Variants in MAEA observed in about 807,000 individuals in gnomAD.
The protein encoded by MAEA is E3 ubiquitin-protein transferase MAEA.
A neutral mutation model predicts 46.2 loss-of-function variants in MAEA; 22 were observed. That is an observed-to-expected ratio of 0.48 (90% confidence interval 0.34 to 0.68). The LOEUF is 0.68. Among genes scored for constraint, MAEA ranks in the 30% least tolerant of loss-of-function variants. The pLI is 0.01. For synonymous variants in MAEA, 246 were observed against 222.6 expected, an observed-to-expected ratio of 1.11 and a Z score of -0.94; for missense variants, 393 against 558.1, an observed-to-expected ratio of 0.70 and a Z score of 2.98.
At chr4:1,324,086 T>C (rs1239232076) in intron 4 of MAEA, among the ~76,000 whole-genome samples, 2 of 151,680 alleles carry the variant, frequency 1.3e-5, no homozygotes, top group African/African-American at 4.9e-5. Flanking sequence ...GAGTTGAGAT[T>C]GGATGCCTGG....
intron 1 of MAEA, among the ~76,000 whole-genome samples, chr4:1,301,179 C>T (rs1478832348): frequency 6.6e-6 from 1 of 152,228 alleles, no homozygotes; most frequent in Non-Finnish European, 1.5e-5. Flanking sequence ...AAATGCGTTG[C>T]GTTTTGTCAG....
intron 1 of MAEA, among the ~76,000 whole-genome samples, chr4:1,297,074 G>T (rs1432018298): frequency 1.3e-5 from 2 of 152,314 alleles, no homozygotes; most frequent in Non-Finnish European, 2.9e-5. Flanking sequence ...CTGGAAGGCA[G>T]TTCAAAGATA....
chr4:1,339,018 A>C (rs1350003862), intron 8 of MAEA, 56 bp from the exon 9 acceptor site: 22 of 1,358,812 alleles, frequency 1.6e-5, no homozygotes, highest in Middle Eastern at 3.6e-4. Context: ...TTCCATGGAA[A>C]TCCGTGTGTA....
rs191295697 is a variant in MAEA at position 1,294,918 on chromosome 4, G to A, written c.69+4936G>A. Among the ~76,000 whole-genome samples the A allele has an allele frequency of 8.6e-3, 1,314 of 152,188 alleles. 8 individuals are homozygous for A. The highest frequency in any genetic ancestry group is 0.015 in the Non-Finnish European group (1,022 of 67,982). ...GTTTTGGGGTGAGGCTCTGTGGACCGTGTTGAAGTCCTGGCCGGCTCTCAC... is the reference window on the plus strand; with the variant it reads ...GTTTTGGGGTGAGGCTCTGTGGACCATGTTGAAGTCCTGGCCGGCTCTCAC... On this transcript the variant is annotated intron_variant, in intron 1 of 8. Coordinates refer to ENST00000303400, the MANE Select transcript of MAEA (RefSeq NM_001017405.3).
intron 5 of MAEA, chr4:1,331,258 A>C (rs1711761941): frequency 6.8e-6 from 1 of 147,816 alleles, no homozygotes. Context: ...AGCCGTGTGG[A>C]CTCACCCCCG....
intron 1 of MAEA, among the ~76,000 whole-genome samples, chr4:1,297,504 G>C (rs1210524596): frequency 2.8e-5 from 4 of 143,008 alleles, no homozygotes; most frequent in Non-Finnish European, 5.9e-5. Flanking sequence ...GCACGCGCTT[G>C]AGTGTGGGCT....
intron 3 of MAEA, among the ~76,000 whole-genome samples, chr4:1,321,063 G>A (rs1577199205): frequency 6.6e-6 from 1 of 152,152 alleles, no homozygotes; most frequent in African/African-American, 2.4e-5. Flanking sequence ...TTGCGCCACT[G>A]CACTCCAGCC....
At chr4:1,313,812 G>T (rs1736806709) in intron 2 of MAEA, among the ~76,000 whole-genome samples, 1 of 152,164 alleles carries the variant, frequency 6.6e-6, no homozygotes, top group Non-Finnish European at 1.5e-5. Flanking sequence ...GAAGGGCGAG[G>T]CAGGTAGATT....
intron 1 of MAEA, chr4:1,309,462 G>T: frequency 7.6e-7 from 1 of 1,316,378 alleles, no homozygotes; most frequent in Non-Finnish European, 9.7e-7. Flanking sequence ...CCTCTGGGGG[G>T]CGTGGATGTG....
In MAEA at chr4:1,297,815, C is replaced by G. The variant is rs1341845460; in HGVS notation, c.69+7833C>G. The G allele has an allele frequency of 2.2e-4, 74 of 330,152 alleles. No homozygotes were observed. The Admixed American group carries it at 3.0e-3, about 13-fold the overall frequency. The allele number at this position is 330,152 out of a possible 1,614,324, so 20.5% of individuals were successfully genotyped here. A position where few individuals can be genotyped will look rare whatever the true frequency, so the allele number is the denominator to read the frequency against. On this transcript the variant is annotated intron_variant, in intron 1 of 8. Coordinates refer to ENST00000303400, the MANE Select transcript of MAEA (RefSeq NM_001017405.3). The stretch of plus-strand genomic sequence containing the variant: ...TCGCATCTCACTTTTGTCCACTTGC[C>G]GCATTCTAGAGTATGTCTTGGTCTC...
intron 2 of MAEA, among the ~76,000 whole-genome samples, chr4:1,315,122 C>A (rs1013260338): frequency 6.6e-6 from 1 of 152,212 alleles, no homozygotes; most frequent in Non-Finnish European, 1.5e-5. Context: ...AAATTGTATG[C>A]ATCTGGCAAC....
At position 1,322,943 on chromosome 4, in the gene MAEA, C is replaced by CCTTTTTTTTTTTTT. The variant is rs1560368750; in HGVS notation, c.579+440_579+441insCTTTTTTTTTTTTT. ...CTGTGATATTGTTAATGAATACCCACTTTTTTTTTTTTTTTTTTTTTTTTT... is the reference window on the plus strand; with the variant it reads ...CTGTGATATTGTTAATGAATACCCACCTTTTTTTTTTTTTTTTTTTTTTTTTTTTTTTTTTTTTT... On this transcript the variant is annotated intron_variant, in intron 4 of 8. Coordinates refer to ENST00000303400, the MANE Select transcript of MAEA (RefSeq NM_001017405.3). Among the ~76,000 whole-genome samples the CCTTTTTTTTTTTTT allele has an allele frequency of 9.3e-5, 7 of 75,246 alleles. 3 individuals are homozygous for CCTTTTTTTTTTTTT. Among genetic ancestry groups the CCTTTTTTTTTTTTT allele is most frequent in the Non-Finnish European group, 2.4e-5 (1 of 41,994 alleles). 49.4% of individuals were successfully genotyped at this position (75,246 alleles called of 152,430 possible).
In MAEA at chr4:1,311,732, C is replaced by A. The variant is rs1736529950; in HGVS notation, c.70-247C>A. On this transcript the variant is annotated intron_variant, in intron 1 of 8. Coordinates refer to ENST00000303400, the MANE Select transcript of MAEA (RefSeq NM_001017405.3). The surrounding 1 kb of genome is among the most constrained non-coding windows in gnomAD (Gnocchi z 4.4). ...ATGAACTTTGGGATTATTTTGTCAA[C>A]ATACACGTACAATGTTTTTGGCAAA... Among the ~76,000 whole-genome samples, 1 of 152,242 alleles carries A rather than the reference C, an allele frequency of 6.6e-6. No individual in the cohort carries two copies. The highest frequency in any genetic ancestry group is 1.5e-5 in the Non-Finnish European group (1 of 68,046).
At chr4:1,309,537 C>T (rs1736204594) in intron 1 of MAEA, 1 of 1,406,548 alleles carries the variant, frequency 7.1e-7, no homozygotes, top group East Asian at 2.6e-5. Context: ...TGCGCTCATC[C>T]CCTGAACTCA....
intron 1 of MAEA, among the ~76,000 whole-genome samples, chr4:1,296,470 C>T (rs1336347837): frequency 1.4e-5 from 2 of 143,790 alleles, no homozygotes; most frequent in Non-Finnish European, 3.0e-5. Flanking sequence ...CCCCCTCACC[C>T]GTGCCTGTGC....
chr4:1,325,597 C>T (rs1045801439), intron 4 of MAEA, among the ~76,000 whole-genome samples: 1 of 152,202 alleles, frequency 6.6e-6, no homozygotes, highest in African/African-American at 2.4e-5. Flanking sequence ...TCGGCAGCTG[C>T]GTCCTGCCTT....
intron 2 of MAEA, among the ~76,000 whole-genome samples, chr4:1,314,684 C>T (rs1736911601): frequency 6.6e-6 from 1 of 152,166 alleles, no homozygotes; most frequent in Admixed American, 6.5e-5. Flanking sequence ...TGGGATTTTC[C>T]CGTGGTGGAA....
intron 1 of MAEA, among the ~76,000 whole-genome samples, chr4:1,297,517 T>G (rs975762408): frequency 6.8e-6 from 1 of 147,052 alleles, no homozygotes; most frequent in Non-Finnish European, 1.5e-5. Flanking sequence ...TGTGGGCTCA[T>G]TGCTGCCCTA....
chr4:1,338,381 G>T (rs773706797), intron 7 of MAEA, 41 bp from the exon 8 acceptor site: 3 of 1,551,644 alleles, frequency 1.9e-6, no homozygotes, highest in South Asian at 2.3e-5. Context: ...CACCCCGGCT[G>T]CCCTGAGTGG....
Sources: allele counts gnomAD v4.1 joint callset (sites outside exome capture counted in the v4.1 genomes callset), GRCh38; gene constraint gnomAD v4.1.1; non-coding constraint Gnocchi (gnomAD v3.1); transcripts MANE v1.5; gene names NCBI Gene and HGNC (gene_info 2026-07-23, HGNC 2026-07-21).